RORB: variants seen among roughly 807,000 people sequenced by gnomAD.
The protein encoded by RORB is RAR related orphan receptor B.
Under a neutral mutation model 59.1 loss-of-function variants are expected in RORB, and 6 were observed. That is an observed-to-expected ratio of 0.10 (90% CI 0.06 to 0.20). The LOEUF is 0.20. Among genes scored for constraint, RORB ranks in the 10% least tolerant of loss-of-function variants. RORB has a pLI of 1.00. For missense variants in RORB, 320 were observed against 560.5 expected (o/e 0.57, Z 4.33); for synonymous variants, 215 against 204.5 (o/e 1.05, Z -0.44).
At position 74,667,841 on chromosome 9, in the gene RORB, T is replaced by C; in HGVS notation, c.1051T>C (p.Ser351Pro). The change falls in exon 8 of 10, where the codon TCC becomes CCC. Residue 351 changes from serine (S) to proline (P), a missense_variant. Physicochemically the swap from Ser to Pro is moderately conservative, Grantham distance 74. Transcript: ENST00000376896. ...EAFDFAKNLC[S>P]LQLTEEEIAL... ...ATTTGACTTTGCAAAGAATTTGTGT[T>C]CCTTGCAGCTGACCGAGGAGGAGAT... The C allele has an allele frequency of 6.2e-7, 1 of 1,613,952 alleles. No individual in the cohort carries two copies. The highest frequency in any genetic ancestry group is 8.5e-7 in the Non-Finnish European group (1 of 1,179,828).
At chr9:74,649,214 G>T (rs1328018577) in intron 4 of RORB, among the ~76,000 whole-genome samples, 1 of 152,066 alleles carries the variant, frequency 6.6e-6, no homozygotes, top group Non-Finnish European at 1.5e-5. Context: ...CCTCCCAAAA[G>T]TGCTGATATT....
chr9:74,599,737 G>A (rs917547537), intron 1 of RORB, among the ~76,000 whole-genome samples: 1 of 152,162 alleles, frequency 6.6e-6, no homozygotes, highest in Non-Finnish European at 1.5e-5. Context: ...AGGCTGAGTC[G>A]TGGCAGGGCC....
intron 1 of RORB, among the ~76,000 whole-genome samples, chr9:74,550,955 A>G (rs1044077219): frequency 2.6e-5 from 4 of 152,252 alleles, no homozygotes; most frequent in African/African-American, 9.6e-5. Flanking sequence ...TGCACATAAA[A>G]ATAATATTTT....
At chr9:74,611,702 TG>T (rs1823234099) in intron 1 of RORB, among the ~76,000 whole-genome samples, 1 of 152,178 alleles carries the variant, frequency 6.6e-6, no homozygotes, top group Non-Finnish European at 1.5e-5. Flanking sequence ...CAGGCTGAAG[TG>T]CAATGGCAAT....
At chr9:74,592,839 ACACACACATGAACATG>A (rs1307432236) in intron 1 of RORB, among the ~76,000 whole-genome samples, 1 of 152,110 alleles carries the variant, frequency 6.6e-6, no homozygotes, top group East Asian at 1.9e-4. Flanking sequence ...TCACTCTCAC[ACACACACATGAACATG>A]CACACACATG....
intron 1 of RORB, among the ~76,000 whole-genome samples, chr9:74,518,894 C>T (rs954121667): frequency 4.0e-5 from 6 of 151,894 alleles, no homozygotes; most frequent in African/African-American, 1.2e-4. Context: ...TTTTCTCCAA[C>T]TTGTTAGAAT....
At chr9:74,681,135 T>A (rs1824540974) in intron 9 of RORB, among the ~76,000 whole-genome samples, 1 of 152,212 alleles carries the variant, frequency 6.6e-6, no homozygotes, top group African/African-American at 2.4e-5. Flanking sequence ...AATTTCACGA[T>A]GATTTAAAAT....
chr9:74,598,920 G>C (rs1261378199), intron 1 of RORB, among the ~76,000 whole-genome samples: 1 of 152,130 alleles, frequency 6.6e-6, no homozygotes, highest in Non-Finnish European at 1.5e-5. Flanking sequence ...GCAAAGAGAG[G>C]ACCAAACCAG....
chr9:74,675,361 C>A (rs930095051), intron 9 of RORB, among the ~76,000 whole-genome samples: 1 of 151,080 alleles, frequency 6.6e-6, no homozygotes, highest in Non-Finnish European at 1.5e-5. Context: ...TATTTTTAAG[C>A]CCCATATGAC....
At chr9:74,632,746 C>A (rs1221920305) in intron 2 of RORB, among the ~76,000 whole-genome samples, 1 of 152,162 alleles carries the variant, frequency 6.6e-6, no homozygotes, top group Admixed American at 6.6e-5. Flanking sequence ...ATAAAAACCA[C>A]ACAATTCTGT....
At position 74,626,470 on chromosome 9, in the gene RORB, A is replaced by C. The variant is rs1027754023; in HGVS notation, c.8-3812A>C. ...CAATAGAAAAATATAAGTGAAATGAATATCTAAGAAATTGAAAAAATGAAA... is the reference window on the plus strand; with the variant it reads ...CAATAGAAAAATATAAGTGAAATGACTATCTAAGAAATTGAAAAAATGAAA... On this transcript the variant is annotated intron_variant, in intron 1 of 9. Coordinates refer to ENST00000376896, the MANE Select transcript of RORB (RefSeq NM_006914.4). 4.6e-5 allele frequency among the ~76,000 whole-genome samples: 7 copies of C among 152,226 alleles called. 1 individual carries two copies. Among genetic ancestry groups the C allele is most frequent in the Admixed American group, 1.3e-4 (2 of 15,282 alleles).
intron 4 of RORB, among the ~76,000 whole-genome samples, chr9:74,648,542 T>A (rs1587404913): frequency 6.6e-6 from 1 of 152,142 alleles, no homozygotes; most frequent in Non-Finnish European, 1.5e-5. Flanking sequence ...ACTAAGCAAT[T>A]CTGAATGATG....
Position 74,688,320 on chromosome 9 carries a change from G to C in RORB, c.*2702G>C, listed in dbSNP as rs1824680971. 1 of 152,166 alleles carries C rather than the reference G, an allele frequency of 6.6e-6. No homozygotes were observed. Among genetic ancestry groups the C allele is most frequent in the Non-Finnish European group, 1.5e-5 (1 of 68,046 alleles). The allele number at this position is 152,166 out of a possible 1,614,324, so 9.4% of individuals were successfully genotyped here. A position where few individuals can be genotyped will look rare whatever the true frequency, so the allele number is the denominator to read the frequency against. On this transcript the variant is annotated 3_prime_UTR_variant, in exon 10 of 10. Transcript: ENST00000376896. ...AGTTGCCCAACCTTCCCTTTAAAGA[G>C]AATCCAGTCATGTTTTCAATGGTAA... is the stretch of plus-strand genomic sequence containing the variant.
At chr9:74,581,344 T>G (rs1272231380) in intron 1 of RORB, among the ~76,000 whole-genome samples, 1 of 152,180 alleles carries the variant, frequency 6.6e-6, no homozygotes, top group African/African-American at 2.4e-5. Flanking sequence ...TGTGCTCTAC[T>G]GCTACATCAG....
intron 1 of RORB, among the ~76,000 whole-genome samples, chr9:74,523,142 C>A (rs142165467): frequency 3.3e-5 from 5 of 151,798 alleles, no homozygotes; most frequent in Non-Finnish European, 7.4e-5. Flanking sequence ...TTTTCCCTTA[C>A]ATTTTCTTAC....
chr9:74,497,688 C>G lies in RORB; in HGVS notation c.-289C>G, dbSNP rs879523798. The G allele has an allele frequency of 4.1e-6, 2 of 492,866 alleles. No individual in the cohort carries two copies. The highest frequency in any genetic ancestry group is 7.2e-6 in the Non-Finnish European group (2 of 277,060). The allele number at this position is 492,866 out of a possible 1,614,324, so 30.5% of individuals were successfully genotyped here. ...AAAGAAAAACAAAACCAAAACAAAACCCAGGCACCAGACAGCCAGAACATT... is the reference window on the plus strand; with the variant it reads ...AAAGAAAAACAAAACCAAAACAAAAGCCAGGCACCAGACAGCCAGAACATT... On this transcript the variant is annotated 5_prime_UTR_variant, in exon 1 of 10. Transcript: ENST00000376896.
intron 1 of RORB, among the ~76,000 whole-genome samples, chr9:74,618,047 A>G (rs1052680389): frequency 7.9e-5 from 12 of 152,198 alleles, no homozygotes; most frequent in Non-Finnish European, 5.9e-5. Flanking sequence ...TCAGTGCAGA[A>G]ATTGACAATA....
At chr9:74,517,702 T>C (rs1826028264) in intron 1 of RORB, among the ~76,000 whole-genome samples, 1 of 151,918 alleles carries the variant, frequency 6.6e-6, no homozygotes, top group Non-Finnish European at 1.5e-5. Context: ...TTTCTAGAAA[T>C]AGAAAAAATT....
intron 4 of RORB, among the ~76,000 whole-genome samples, chr9:74,651,658 CA>C (rs1285446820): frequency 6.6e-6 from 1 of 152,094 alleles, no homozygotes; most frequent in Admixed American, 6.5e-5. Context: ...GATCAAACCC[CA>C]AAAAACTGAG....
Sources: allele counts gnomAD v4.1 joint callset (sites outside exome capture counted in the v4.1 genomes callset), GRCh38; gene constraint gnomAD v4.1.1; transcripts MANE v1.5; gene names NCBI Gene and HGNC (gene_info 2026-07-23, HGNC 2026-07-21).